Variants in RALYL observed in about 807,000 individuals in gnomAD.
RALYL encodes RNA-binding Raly-like protein.
A neutral mutation model predicts 35.1 loss-of-function variants in RALYL; 29 were observed. That is an observed-to-expected ratio of 0.83 (90% CI 0.61 to 1.13). The LOEUF is 1.13. Ranked by LOEUF, RALYL falls within the 50% of genes most tolerant of loss-of-function variation. The pLI is 0.00. For missense variants in RALYL, 359 were observed against 360.4 expected (o/e 1.00, Z 0.03); for synonymous variants, 120 against 127.6 (o/e 0.94, Z 0.40).
At chr8:84,631,474 T>C (rs1258434729) in intron 2 of RALYL, among the ~76,000 whole-genome samples, 2 of 151,982 alleles carry the variant, frequency 1.3e-5, no homozygotes, top group African/African-American at 2.4e-5. Flanking sequence ...GGATGAAAGA[T>C]AAATTATATG....
intron 1 of RALYL, among the ~76,000 whole-genome samples, chr8:84,370,407 T>C (rs1171847496): frequency 6.6e-6 from 1 of 151,444 alleles, no homozygotes; most frequent in Non-Finnish European, 1.5e-5. Flanking sequence ...TTTAGAGTAG[T>C]TAGAACATGG....
intron 2 of RALYL, among the ~76,000 whole-genome samples, chr8:84,745,669 G>T (rs1276112020): frequency 6.6e-6 from 1 of 151,964 alleles, no homozygotes; most frequent in Non-Finnish European, 1.5e-5. Flanking sequence ...TAAAGAAATG[G>T]CCTTCTAGGC....
chr8:84,871,311 T>C (rs1057347467), intron 6 of RALYL, among the ~76,000 whole-genome samples: 7 of 152,148 alleles, frequency 4.6e-5, no homozygotes, highest in African/African-American at 1.4e-4. Flanking sequence ...TAGTGGTTTA[T>C]TGGCTTGTTT....
intron 2 of RALYL, among the ~76,000 whole-genome samples, chr8:84,719,590 A>G (rs1564428219): frequency 6.6e-6 from 1 of 152,194 alleles, no homozygotes; most frequent in Admixed American, 6.5e-5. Context: ...CACAAGCCCT[A>G]TTGTTGTACT....
intron 8 of RALYL, chr8:84,906,875 A>G: frequency 1.2e-6 from 1 of 811,842 alleles, no homozygotes; most frequent in Non-Finnish European, 1.5e-6. Context: ...ATGCTGCACT[A>G]TCAGCCTTGC....
intron 3 of RALYL, among the ~76,000 whole-genome samples, chr8:84,785,280 T>C (rs1008581234): frequency 3.3e-5 from 5 of 152,166 alleles, no homozygotes; most frequent in Non-Finnish European, 5.9e-5. Flanking sequence ...CAGTGTTCAT[T>C]AGAAGCACTG....
At chr8:84,833,008 T>C (rs1831222535) in intron 4 of RALYL, among the ~76,000 whole-genome samples, 1 of 152,144 alleles carries the variant, frequency 6.6e-6, no homozygotes, top group Admixed American at 6.5e-5. Flanking sequence ...AATGAAGAAA[T>C]TCAATTCCTC....
chr8:84,732,043 A>G (rs1846275648), intron 2 of RALYL, among the ~76,000 whole-genome samples: 1 of 152,112 alleles, frequency 6.6e-6, no homozygotes, highest in Non-Finnish European at 1.5e-5. Context: ...CTTCCTCAGG[A>G]GTCTTCCTTG....
intron 1 of RALYL, among the ~76,000 whole-genome samples, chr8:84,231,466 G>A (rs1173430017): frequency 1.3e-5 from 2 of 152,022 alleles, no homozygotes; most frequent in Non-Finnish European, 2.9e-5. Flanking sequence ...TGAAAAAATG[G>A]CCATGTTTGT....
At position 84,692,338 on chromosome 8, in the gene RALYL, T is replaced by C. The variant is rs559878757; in HGVS notation, c.257-82241T>C. 2.3e-4 allele frequency among the ~76,000 whole-genome samples: 35 copies of C among 152,048 alleles called. No individual in the cohort carries two copies. In the South Asian group the frequency reaches 6.8e-3, roughly 30 times the overall value. The stretch of plus-strand genomic sequence containing the variant: ...GCTCAGTTAGAATTAGTTAAGAAGT[T>C]CCAGAAGGTCAATATACAAAGTCAT... On this transcript the variant is annotated intron_variant, in intron 2 of 8. Coordinates refer to ENST00000521268, the MANE Select transcript of RALYL (RefSeq NM_173848.7).
chr8:84,393,370 T>C (rs1790618294), intron 1 of RALYL, among the ~76,000 whole-genome samples: 1 of 151,986 alleles, frequency 6.6e-6, no homozygotes, highest in African/African-American at 2.4e-5. Flanking sequence ...CAGGTGACCC[T>C]CTCCATGTGA....
chr8:84,467,497 G>T (rs1474165643), intron 1 of RALYL, among the ~76,000 whole-genome samples: 2 of 151,594 alleles, frequency 1.3e-5, no homozygotes. Flanking sequence ...ATTGCACTGT[G>T]GTCTGAGAGA....
chr8:84,712,693 C>T (rs1490820353), intron 2 of RALYL, among the ~76,000 whole-genome samples: 10 of 151,992 alleles, frequency 6.6e-5, no homozygotes, highest in Admixed American at 6.6e-4. Context: ...TTACTCTGTC[C>T]CCAGGTGTTT....
intron 1 of RALYL, among the ~76,000 whole-genome samples, chr8:84,391,833 A>ATGC (rs1332361144): frequency 6.6e-6 from 1 of 152,056 alleles, no homozygotes; most frequent in African/African-American, 2.4e-5. Flanking sequence ...AAGTGAGCTG[A>ATGC]TGCTGCCACT....
At chr8:84,906,932 T>C in intron 8 of RALYL, 1 of 984,994 alleles carries the variant, frequency 1.0e-6, no homozygotes, top group Non-Finnish European at 1.2e-6. Context: ...CTTTAGAATG[T>C]CTCTGAATAT....
intron 4 of RALYL, among the ~76,000 whole-genome samples, chr8:84,828,049 T>C (rs1830080387): frequency 6.6e-6 from 1 of 152,132 alleles, no homozygotes; most frequent in African/African-American, 2.4e-5. Context: ...AGGTTGTTTG[T>C]CCATAATAGG....
At chr8:84,465,295 A>G (rs1314397063) in intron 1 of RALYL, among the ~76,000 whole-genome samples, 6 of 115,198 alleles carry the variant, frequency 5.2e-5, no homozygotes, top group African/African-American at 2.0e-4. Flanking sequence ...TAAGTCTTTA[A>G]TCCATCTTGA....
chr8:84,736,615 G>T (rs760180951), intron 2 of RALYL, among the ~76,000 whole-genome samples: 1 of 152,028 alleles, frequency 6.6e-6, no homozygotes, highest in African/African-American at 2.4e-5. Flanking sequence ...TAAACAGTTC[G>T]ATGTCCATTG....
chr8:84,466,762 C>T lies in RALYL; in HGVS notation c.-23-62537C>T, dbSNP rs1051463528. ...CCTCTGGTAGAATTCGGCTGTGAAT[C>T]CATCTGGTCCTGGACTCTTTTGGTT... On this transcript the variant is annotated intron_variant, in intron 1 of 8. Coordinates refer to ENST00000521268, the MANE Select transcript of RALYL (RefSeq NM_173848.7). Among the ~76,000 whole-genome samples, 429 of 136,370 alleles carry T rather than the reference C, an allele frequency of 3.1e-3. 1 individual carries two copies. Among genetic ancestry groups the T allele is most frequent in the African/African-American group, 0.011 (413 of 38,892 alleles). The allele number at this position is 136,370 out of a possible 152,430, so 89.5% of individuals were successfully genotyped here. A position where few individuals can be genotyped will look rare whatever the true frequency, so the allele number is the denominator to read the frequency against.
Sources: allele counts gnomAD v4.1 joint callset (sites outside exome capture counted in the v4.1 genomes callset), GRCh38; gene constraint gnomAD v4.1.1; transcripts MANE v1.5; gene names NCBI Gene and HGNC (gene_info 2026-07-23, HGNC 2026-07-21).